Variants in POP1 observed in about 807,000 individuals in gnomAD.
POP1 encodes the protein POP1 ribonuclease P/MRP subunit, also known as ribonucleases P/MRP protein subunit POP1.
A neutral mutation model predicts 102.2 loss-of-function variants in POP1; 75 were observed. The ratio of observed to expected loss-of-function variants is 0.73; its 90% CI spans 0.61 to 0.89. The LOEUF (loss-of-function observed/expected upper bound fraction) is 0.89. POP1 is among the 40% of genes least tolerant of loss of function. POP1 has a pLI of 0.00. For missense variants in POP1, 1,116 were observed against 1,267.4 expected (o/e 0.88, Z 1.81); for synonymous variants, 436 against 464.1 (o/e 0.94, Z 0.78).
intron 14 of POP1, among the ~76,000 whole-genome samples, chr8:98,152,533 C>T (rs551370286): frequency 2.6e-5 from 4 of 152,324 alleles, no homozygotes; most frequent in East Asian, 1.9e-4. Flanking sequence ...GTGTTCCAAT[C>T]GTGCTTTATA....
At chr8:98,149,950 T>G (rs1301609113) in intron 13 of POP1, among the ~76,000 whole-genome samples, 3 of 152,260 alleles carry the variant, frequency 2.0e-5, no homozygotes, top group African/African-American at 7.2e-5. Flanking sequence ...CTTAATTTTT[T>G]ACTATGAGAT....
intron 11 of POP1, among the ~76,000 whole-genome samples, chr8:98,145,557 G>T (rs575302445): frequency 6.6e-6 from 1 of 152,020 alleles, no homozygotes; most frequent in African/African-American, 2.4e-5. Context: ...TTTCTAGCAC[G>T]GTACAGCTTA....
At chr8:98,156,570 C>T (rs1313523681) in intron 15 of POP1, among the ~76,000 whole-genome samples, 158 bp downstream of exon 15, 1 of 152,148 alleles carries the variant, frequency 6.6e-6, no homozygotes, top group Non-Finnish European at 1.5e-5. Context: ...TCATAGAGGG[C>T]TCAGGGAAAC....
intron 14 of POP1, among the ~76,000 whole-genome samples, chr8:98,151,730 G>T (rs1809515292): frequency 6.8e-6 from 1 of 146,086 alleles, no homozygotes; most frequent in African/African-American, 2.6e-5. Flanking sequence ...CAGGCAGTCT[G>T]CCTGGCTTGC....
chr8:98,143,177 GC>G (rs1363391360), intron 11 of POP1, among the ~76,000 whole-genome samples: 2 of 152,154 alleles, frequency 1.3e-5, no homozygotes, highest in African/African-American at 4.8e-5. Flanking sequence ...AAGAAAACAT[GC>G]TTTGAGTCTG....
intron 14 of POP1, 162 bp from the exon 15 acceptor site, chr8:98,155,888 C>T (rs1809631122): frequency 8.7e-6 from 7 of 804,418 alleles, no homozygotes; most frequent in Non-Finnish European, 1.4e-5. Flanking sequence ...TATTCTTTAT[C>T]ATATGTTTCT....
rs369697833 is a variant in POP1, at chr8:98,136,675, A to C, written c.1205A>C (p.Asp402Ala). ...NAKPIKKIIG[D>A]GTRDPCLPYS... is the part of the protein sequence containing the mutation. ...AAACCAATTAAAAAAATTATCGGTG[A>C]TGGAACTAGAGATCCATGTCTACCA... Residue 402 changes from aspartate (D) to alanine (A), a missense_variant, in exon 8 of 16, where the codon GAT (aspartate) becomes GCT (alanine). Asp to Ala is a moderately radical substitution (Grantham distance 126, BLOSUM62 -2). Coordinates refer to ENST00000401707, the MANE Select transcript of POP1 (RefSeq NM_001145860.2). The C allele has an allele frequency of 2.5e-5, 41 of 1,612,862 alleles. No individual in the cohort carries two copies. Among genetic ancestry groups the C allele is most frequent in the Non-Finnish European group, 3.1e-5 (37 of 1,178,956 alleles).
chr8:98,140,928 C>G (rs762573662), intron 11 of POP1, 40 bp downstream of exon 11: 1 of 1,605,858 alleles, frequency 6.2e-7, no homozygotes. Context: ...CTTACTATTT[C>G]GAGCAGTCCA....
chr8:98,150,688 G>A (rs1295890995), intron 14 of POP1, 49 bp downstream of exon 14: 3 of 1,577,130 alleles, frequency 1.9e-6, no homozygotes, highest in African/African-American at 1.4e-5. Flanking sequence ...GAAAAGAGAA[G>A]TGCCTGCTTA....
In POP1 at chr8:98,157,918, A is replaced by G; in HGVS notation, c.2722A>G (p.Ile908Val). 1 of 1,614,162 alleles carries G rather than the reference A, an allele frequency of 6.2e-7. No individual in the cohort carries two copies. Among genetic ancestry groups the G allele is most frequent in the Non-Finnish European group, 8.5e-7 (1 of 1,179,994 alleles). The change falls in exon 16 of 16, where the codon ATC becomes GTC. Residue 908 changes from isoleucine (I) to valine (V), a missense_variant. Coordinates refer to ENST00000401707, the MANE Select transcript of POP1 (RefSeq NM_001145860.2). The stretch of plus-strand genomic sequence containing the variant: ...ACACAGTGACCCATTCAGGAGCAAG[A>G]TCCTGAAACAGAAAGAGAAGAAGAA... ...SKHSDPFRSK[I>V]LKQKEKKKRE...
intron 7 of POP1, 116 bp downstream of exon 7, chr8:98,134,775 G>T: frequency 9.2e-7 from 1 of 1,083,262 alleles, no homozygotes; most frequent in Non-Finnish European, 1.4e-6. Flanking sequence ...TCTGATATTT[G>T]TATATGGGGG....
intron 4 of POP1, 93 bp from the exon 5 acceptor site, chr8:98,129,885 C>T (rs979793104): frequency 7.1e-7 from 1 of 1,417,994 alleles, no homozygotes; most frequent in African/African-American, 1.4e-5. Context: ...AAATATTCCA[C>T]TTAATCTAAA....
intron 14 of POP1, among the ~76,000 whole-genome samples, chr8:98,151,464 C>T (rs1274327628): frequency 2.0e-5 from 3 of 152,148 alleles, no homozygotes. Flanking sequence ...GTCATGATTT[C>T]CTTTATATTG....
chr8:98,155,824 C>G, intron 14 of POP1: 1 of 488,650 alleles, frequency 2.0e-6, no homozygotes, highest in Non-Finnish European at 3.7e-6. Context: ...GATCGCCTGC[C>G]TTGGCCTCCT....
chr8:98,140,721 ATG>A, intron 10 of POP1, 46 bp from the exon 11 acceptor site: 1 of 1,581,828 alleles, frequency 6.3e-7, no homozygotes, highest in Non-Finnish European at 8.7e-7. Context: ...GCAAATACAG[ATG>A]TATTATGAAT....
At chr8:98,144,164 A>C (rs1019342612) in intron 11 of POP1, among the ~76,000 whole-genome samples, 7 of 152,174 alleles carry the variant, frequency 4.6e-5, no homozygotes, top group African/African-American at 1.7e-4. Flanking sequence ...ATCTAAAAAA[A>C]AACCCAAAAA....
At chr8:98,119,483 C>T (rs776386354) in intron 1 of POP1, among the ~76,000 whole-genome samples, 17 of 151,912 alleles carry the variant, frequency 1.1e-4, no homozygotes, top group South Asian at 8.3e-4. Flanking sequence ...GAAGATTTGG[C>T]GAAAATATTT....
chr8:98,146,676 C>A lies in POP1; in HGVS notation c.1703C>A (p.Ser568Ter), dbSNP rs183619990. The A allele has an allele frequency of 6.2e-7, 1 of 1,604,012 alleles. No homozygotes were observed. Among genetic ancestry groups the A allele is most frequent in the East Asian group, 2.2e-5 (1 of 44,812 alleles). The change falls in exon 12 of 16, where the codon TCG becomes TAG. Residue 568 changes from serine (S) to a stop codon, truncating the protein, a stop_gained. Coordinates refer to ENST00000401707, the MANE Select transcript of POP1 (RefSeq NM_001145860.2). LOFTEE classifies it high-confidence loss of function. The part of the protein sequence containing the change: ...ICKSVTENKI[S>*]DQDLNRMRSE... ...AAGAGTGTCACAGAGAATAAAATCT[C>A]GGATCAGGTAACTAATAGTGTAAGG...
chr8:98,135,811 A>G (rs544206728), intron 7 of POP1, among the ~76,000 whole-genome samples: 1 of 150,218 alleles, frequency 6.7e-6, no homozygotes, highest in African/African-American at 2.5e-5. Flanking sequence ...TGATCCTCCT[A>G]CCTCAGCCTC....
Sources: gnomAD v4.1 joint callset for allele counts (sites outside exome capture counted in the v4.1 genomes callset) on GRCh38, gnomAD v4.1.1 for gene constraint, MANE v1.5 for transcripts, NCBI Gene and HGNC (gene_info 2026-07-23, HGNC 2026-07-21) for gene names.